GUCY2C: variants seen among roughly 807,000 people sequenced by gnomAD.
GUCY2C encodes the protein guanylyl cyclase C.
GUCY2C carries 118 observed loss-of-function variants against 131.1 expected under a neutral mutation model. The ratio of observed to expected loss-of-function variants is 0.90; its 90% CI spans 0.78 to 1.05. The LOEUF (loss-of-function observed/expected upper bound fraction) is 1.05. GUCY2C is among the 50% of genes least tolerant of loss of function. The pLI is 0.00. For synonymous variants in GUCY2C, 452 were observed against 457.8 expected, an observed-to-expected ratio of 0.99 and a Z score of 0.16; for missense variants, 1,161 against 1,304.4, an observed-to-expected ratio of 0.89 and a Z score of 1.69.
At chr12:14,690,475 G>C (rs544314223) in intron 1 of GUCY2C, among the ~76,000 whole-genome samples, 4 of 152,260 alleles carry the variant, frequency 2.6e-5, no homozygotes, top group Non-Finnish European at 5.9e-5. Context: ...ATTAAATTTT[G>C]GTTCCTTCCA....
chr12:14,691,530 C>T (rs1037571983), intron 1 of GUCY2C, among the ~76,000 whole-genome samples: 1 of 152,126 alleles, frequency 6.6e-6, no homozygotes, highest in Non-Finnish European at 1.5e-5. Context: ...TCTTGGAACA[C>T]TGCAAGAGGA....
At chr12:14,627,615 A>G (rs1196349515) in intron 20 of GUCY2C, among the ~76,000 whole-genome samples, 1 of 152,170 alleles carries the variant, frequency 6.6e-6, no homozygotes, top group Non-Finnish European at 1.5e-5. Context: ...AAACCCCAGT[A>G]TCAGTATTTT....
intron 9 of GUCY2C, 68 bp from the exon 10 acceptor site, chr12:14,669,901 T>A: frequency 1.6e-6 from 1 of 642,526 alleles, no homozygotes; most frequent in East Asian, 2.9e-5. Flanking sequence ...ATGGTGAGAT[T>A]AATGATTCTA....
At chr12:14,695,885 C>T (rs769875534) in intron 1 of GUCY2C, among the ~76,000 whole-genome samples, 68 of 152,148 alleles carry the variant, frequency 4.5e-4, no homozygotes, top group Admixed American at 7.2e-4. Context: ...CTTGAACTCC[C>T]GGGCTCAGTG....
chr12:14,668,197 G>A (rs1201759346), intron 10 of GUCY2C, among the ~76,000 whole-genome samples: 5 of 151,490 alleles, frequency 3.3e-5, no homozygotes, highest in African/African-American at 7.3e-5. Flanking sequence ...TTGAGACGGA[G>A]TCTTGCTCTG....
intron 9 of GUCY2C, among the ~76,000 whole-genome samples, chr12:14,670,307 T>A (rs1948079021): frequency 6.6e-6 from 1 of 152,202 alleles, no homozygotes; most frequent in African/African-American, 2.4e-5. Flanking sequence ...GGCCCTGAAA[T>A]AACTACATTT....
At chr12:14,661,402 C>G (rs1437129508) in intron 10 of GUCY2C, among the ~76,000 whole-genome samples, 5 of 151,990 alleles carry the variant, frequency 3.3e-5, no homozygotes, top group Non-Finnish European at 7.4e-5. Flanking sequence ...TCCTTGAAAC[C>G]AATATACCTA....
chr12:14,653,117 C>T (rs757569067), intron 12 of GUCY2C, 103 bp from the exon 13 acceptor site: 20 of 852,198 alleles, frequency 2.3e-5, no homozygotes, highest in Middle Eastern at 4.4e-4. Flanking sequence ...CATCTGTTTC[C>T]TCAATAACAT....
At chr12:14,693,312 C>A (rs1254463102) in intron 1 of GUCY2C, among the ~76,000 whole-genome samples, 1 of 152,090 alleles carries the variant, frequency 6.6e-6, no homozygotes, top group Non-Finnish European at 1.5e-5. Flanking sequence ...ACCAGCTCAG[C>A]ACAAGGGAGC....
Position 14,696,461 on chromosome 12 carries a change from GTT to G in GUCY2C, c.-15_-14del. 4 of 1,603,114 alleles carry G rather than the reference GTT, an allele frequency of 2.5e-6. No homozygotes were observed. Among genetic ancestry groups the G allele is most frequent in the Non-Finnish European group, 3.4e-6 (4 of 1,170,996 alleles). ...GCAACGTCTTCATGACCCCAATCACGTTAGAACCATACTCCTTGTGCCCACTT... is the reference window on the plus strand; with the variant it reads ...GCAACGTCTTCATGACCCCAATCACGAGAACCATACTCCTTGTGCCCACTT... On this transcript the variant is annotated 5_prime_UTR_variant, in exon 1 of 27. An upstream open reading frame in the 5' UTR loses its in-frame stop. Coordinates refer to ENST00000261170, the MANE Select transcript of GUCY2C (RefSeq NM_004963.4).
intron 3 of GUCY2C, among the ~76,000 whole-genome samples, chr12:14,684,194 C>G (rs900082911): frequency 2.6e-5 from 4 of 152,164 alleles, no homozygotes; most frequent in Non-Finnish European, 5.9e-5. Flanking sequence ...TTCACCTGGA[C>G]TTTCCTCCCA....
chr12:14,666,000 T>C (rs1947970997), intron 10 of GUCY2C: 1 of 152,168 alleles, frequency 6.6e-6, no homozygotes, highest in Non-Finnish European at 1.5e-5. Flanking sequence ...AGAGAACAGC[T>C]CACCGGTAGA....
chr12:14,682,378 TAGCA>T (rs1948364861), intron 4 of GUCY2C, among the ~76,000 whole-genome samples: 1 of 152,148 alleles, frequency 6.6e-6, no homozygotes, highest in Non-Finnish European at 1.5e-5. Flanking sequence ...CCTTTTTGCT[TAGCA>T]CTTTTCCTTC....
chr12:14,625,971 C>A, intron 20 of GUCY2C, 56 bp from the exon 21 acceptor site: 1 of 990,780 alleles, frequency 1.0e-6, no homozygotes, highest in Non-Finnish European at 1.6e-6. Flanking sequence ...ACATGAACAT[C>A]CAATAAAACA....
intron 19 of GUCY2C, among the ~76,000 whole-genome samples, chr12:14,636,788 G>A (rs1044059875): frequency 1.3e-4 from 20 of 152,128 alleles, no homozygotes; most frequent in Non-Finnish European, 2.1e-4. Context: ...ACAGTTGAAG[G>A]ATATAAAATT....
rs377307966 is a variant in GUCY2C, at chr12:14,666,460, C to T, written c.1282+3262G>A. Among the ~76,000 whole-genome samples the T allele has an allele frequency of 9.9e-5, 15 of 152,258 alleles. No homozygotes were observed. In the East Asian group the frequency reaches 2.7e-3, roughly 27 times the overall value. On this transcript the variant is annotated intron_variant, in intron 10 of 26. Coordinates refer to ENST00000261170, the MANE Select transcript of GUCY2C (RefSeq NM_004963.4). ...AATTAAAAGAAAATGCCTGGCTGGG[C>T]GCCGTGGCTCATGCCTGTAATCTCA...
chr12:14,628,460 G>A (rs970256535), intron 20 of GUCY2C, among the ~76,000 whole-genome samples, 186 bp downstream of exon 20: 4 of 152,098 alleles, frequency 2.6e-5, no homozygotes, highest in African/African-American at 4.8e-5. Flanking sequence ...CTTTTCAAGT[G>A]ATTATTTCCC....
intron 10 of GUCY2C, among the ~76,000 whole-genome samples, chr12:14,669,076 T>C (rs1948044669): frequency 6.6e-6 from 1 of 152,204 alleles, no homozygotes; most frequent in African/African-American, 2.4e-5. Context: ...TATATGTCTC[T>C]GTGCTCATTT....
intron 20 of GUCY2C, 93 bp downstream of exon 20, chr12:14,628,553 T>C (rs1233395907): frequency 2.6e-6 from 2 of 756,706 alleles, no homozygotes; most frequent in Non-Finnish European, 2.4e-6. Flanking sequence ...TTCACTGGAA[T>C]AGACATTCTC....
Sources: gnomAD v4.1 joint callset for allele counts (sites outside exome capture counted in the v4.1 genomes callset) on GRCh38, gnomAD v4.1.1 for gene constraint, MANE v1.5 for transcripts, NCBI Gene and HGNC (gene_info 2026-07-23, HGNC 2026-07-21) for gene names.